Variants in OR11H4 observed in about 807,000 individuals in gnomAD.
OR11H4 encodes olfactory receptor 11H4.
For synonymous variants in OR11H4, 162 were observed against 142.3 expected, an observed-to-expected ratio of 1.14 and a Z score of -0.98; for missense variants, 460 against 371.1, an observed-to-expected ratio of 1.24 and a Z score of -1.97.
chr14:20,241,041 C>T (rs2138748730), intron 1 of OR11H4, among the ~76,000 whole-genome samples: 1 of 151,878 alleles, frequency 6.6e-6, no homozygotes, highest in Non-Finnish European at 1.5e-5. Flanking sequence ...ATGTCCTTAC[C>T]TTCCTTTCAG....
chr14:20,242,845 C>T lies in OR11H4; in HGVS notation c.24C>T (p.Ile8=), dbSNP rs199984127. The stretch of plus-strand genomic sequence containing the variant: ...CCATGAACAGGTCAGCAACACACAT[C>T]GTGACAGAGTTTATTCTCCTGGGAT... MNRSATH[I]VTEFILLGFP... Residue 8 remains isoleucine (I), a synonymous_variant, in exon 2 of 2, where the codon ATC becomes ATT. Coordinates refer to ENST00000641082, the MANE Select transcript of OR11H4 (RefSeq NM_001004479.2). 2.4e-5 allele frequency: 39 copies of T among 1,613,982 alleles called. No individual in the cohort carries two copies. The East Asian group carries it at 6.7e-4, about 28-fold the overall frequency.
chr14:20,243,273 T>A lies in OR11H4; in HGVS notation c.452T>A (p.Ile151Asn). 1 of 1,614,188 alleles carries A rather than the reference T, an allele frequency of 6.2e-7. No homozygotes were observed. Among genetic ancestry groups the A allele is most frequent in the South Asian group, 1.1e-5 (1 of 91,078 alleles). ...AAGCTGGTGTCTTTCTGTTGGCTTA[T>A]TGGATTCCTTGGATACCCAATTCCC... ...CGKLVSFCWL[I>N]GFLGYPIPIF... The change falls in exon 2 of 2, where the codon ATT becomes AAT. Residue 151 changes from isoleucine (I) to asparagine (N), a missense_variant. Coordinates refer to ENST00000641082, the MANE Select transcript of OR11H4 (RefSeq NM_001004479.2).
In OR11H4 at chr14:20,242,924, T is replaced by C. The variant is rs370665554; in HGVS notation, c.103T>C (p.Tyr35His). ...CCTCTTCTCATTGTTTTTGGTGATT[T>C]ATGTCTTGACCTTGCTGGGAAATGG... ...IFLFSLFLVI[Y>H]VLTLLGNGAI... The change falls in exon 2 of 2, where the codon TAT (tyrosine) becomes CAT (histidine). Residue 35 changes from tyrosine (Y) to histidine (H), a missense_variant. Physicochemically the swap from Tyr to His is moderately conservative, Grantham distance 83 (BLOSUM62 2). Coordinates refer to ENST00000641082, the MANE Select transcript of OR11H4 (RefSeq NM_001004479.2). 6 of 1,614,170 alleles carry C rather than the reference T, an allele frequency of 3.7e-6. No homozygotes were observed. In the African/African-American group the frequency reaches 6.7e-5, roughly 18 times the overall value.
intron 1 of OR11H4, among the ~76,000 whole-genome samples, chr14:20,242,364 C>T (rs900648066): frequency 6.6e-6 from 1 of 152,174 alleles, no homozygotes; most frequent in Non-Finnish European, 1.5e-5. Context: ...TCCTGCACAG[C>T]CCTAGATCCC....
chr14:20,239,499 C>G (rs1880868710), intron 1 of OR11H4, among the ~76,000 whole-genome samples, 168 bp downstream of exon 1: 1 of 152,152 alleles, frequency 6.6e-6, no homozygotes, highest in Middle Eastern at 3.4e-3. Flanking sequence ...TCCAGACCAT[C>G]CTGGCTAACA....
chr14:20,243,728 A>T lies in OR11H4; in HGVS notation c.907A>T (p.Asn303Tyr). 1.3e-6 allele frequency: 2 copies of T among 1,596,704 alleles called. No homozygotes were observed. The highest frequency in any genetic ancestry group is 1.7e-6 in the Non-Finnish European group (2 of 1,171,670). ...TAAGGACATGAAACTCGCTCTGAGA[A>T]ATGTCCTGTTTGGAATGAGAATTCG... ...RNKDMKLALR[N>Y]VLFGMRIRQN... The change falls in exon 2 of 2, where the codon AAT becomes TAT. Residue 303 changes from asparagine (N) to tyrosine (Y), a missense_variant. Coordinates refer to ENST00000641082, the MANE Select transcript of OR11H4 (RefSeq NM_001004479.2).
intron 1 of OR11H4, among the ~76,000 whole-genome samples, chr14:20,240,419 C>A (rs187011828): frequency 4.3e-4 from 66 of 152,236 alleles, no homozygotes; most frequent in African/African-American, 1.4e-3. Context: ...AGATTCAAAT[C>A]TTCGTTCCCA....
chr14:20,239,945 G>C (rs928155178), intron 1 of OR11H4, among the ~76,000 whole-genome samples: 1 of 152,132 alleles, frequency 6.6e-6, no homozygotes, highest in Non-Finnish European at 1.5e-5. Context: ...TTTCTATTAA[G>C]CTCCCCAGCT....
rs1344660862 is a variant in OR11H4 at position 20,243,001 on chromosome 14, C to A, written c.180C>A (p.Tyr60Ter). The A allele has an allele frequency of 1.2e-6, 2 of 1,614,036 alleles. No homozygotes were observed. Among genetic ancestry groups the A allele is most frequent in the African/African-American group, 1.3e-5 (1 of 74,898 alleles). Residue 60 changes from tyrosine to a stop codon, truncating the protein, a stop_gained, in exon 2 of 2, where the codon TAC becomes TAA. Transcript: ENST00000641082. LOFTEE classifies it low-confidence loss of function (END_TRUNC). ...ACCCACTACTACACACCCCCATGTA[C>A]TTTCTGCTGGGAAATTTTGCCTTCC... ...RCNPLLHTPM[Y>*]FLLGNFAFLE...
chr14:20,240,609 G>T (rs565385346), intron 1 of OR11H4, among the ~76,000 whole-genome samples: 8 of 144,178 alleles, frequency 5.5e-5, no homozygotes, highest in Non-Finnish European at 1.0e-4. Flanking sequence ...GTGGAGTCTC[G>T]CTCTGTCACC....
At chr14:20,240,409 A>C (rs1880889104) in intron 1 of OR11H4, among the ~76,000 whole-genome samples, 1 of 152,132 alleles carries the variant, frequency 6.6e-6, no homozygotes, top group African/African-American at 2.4e-5. Context: ...AGTGATGTTG[A>C]GATTCAAATC....
Position 20,243,902 on chromosome 14 carries a change from T to C in OR11H4, c.*136T>C. 1 of 839,366 alleles carries C rather than the reference T, an allele frequency of 1.2e-6. No homozygotes were observed. Among genetic ancestry groups the C allele is most frequent in the Non-Finnish European group, 1.8e-6 (1 of 568,226 alleles). 52.0% of individuals were successfully genotyped at this position (839,366 alleles called of 1,614,324 possible). On this transcript the variant is annotated 3_prime_UTR_variant, in exon 2 of 2. Transcript: ENST00000641082. ...TACCTGGAAGTGTGCCCAGCTTAAA[T>C]ATGTTTCCAGCACTGACTCTTTAAA...
intron 1 of OR11H4, among the ~76,000 whole-genome samples, chr14:20,240,072 T>A (rs1880881689): frequency 6.6e-6 from 1 of 152,144 alleles, no homozygotes; most frequent in Admixed American, 6.6e-5. Flanking sequence ...AGTGTAAAGT[T>A]GTCAGTGTAT....
At chr14:20,239,930 G>T (rs537461827) in intron 1 of OR11H4, among the ~76,000 whole-genome samples, 1 of 152,146 alleles carries the variant, frequency 6.6e-6, no homozygotes, top group African/African-American at 2.4e-5. Context: ...TTGATTACTC[G>T]GGTCTTTCTA....
chr14:20,241,332 T>G (rs1441491609), intron 1 of OR11H4, among the ~76,000 whole-genome samples: 1 of 151,924 alleles, frequency 6.6e-6, no homozygotes, highest in Non-Finnish European at 1.5e-5. Flanking sequence ...CATGCAGCAG[T>G]CAATCTATTT....
In OR11H4 at chr14:20,243,242, T is replaced by C. The variant is rs1409245804; in HGVS notation, c.421T>C (p.Cys141Arg). The C allele has an allele frequency of 1.2e-6, 2 of 1,614,208 alleles. No individual in the cohort carries two copies. The highest frequency in any genetic ancestry group is 2.2e-5 in the East Asian group (1 of 44,886). Residue 141 changes from cysteine (C) to arginine (R), a missense_variant, in exon 2 of 2, where the codon TGT becomes CGT. Transcript: ENST00000641082. ...QYPAIMTVRF[C>R]GKLVSFCWLI... ...CCCTGCCATCATGACTGTAAGGTTCTGTGGTAAGCTGGTGTCTTTCTGTTG... is the reference window on the plus strand; with the variant it reads ...CCCTGCCATCATGACTGTAAGGTTCCGTGGTAAGCTGGTGTCTTTCTGTTG...
chr14:20,239,513 C>A (rs568560922), intron 1 of OR11H4, among the ~76,000 whole-genome samples, 182 bp downstream of exon 1: 1 of 151,780 alleles, frequency 6.6e-6, no homozygotes, highest in Non-Finnish European at 1.5e-5. Flanking sequence ...GCTAACACGG[C>A]GAAACCCCGT....
At chr14:20,241,675 C>A (rs1296554762) in intron 1 of OR11H4, among the ~76,000 whole-genome samples, 1 of 152,088 alleles carries the variant, frequency 6.6e-6, no homozygotes, top group Non-Finnish European at 1.5e-5. Context: ...GCCCAGGGGA[C>A]CGGTACTCAG....
chr14:20,241,916 T>G (rs1269337564), intron 1 of OR11H4, among the ~76,000 whole-genome samples: 1 of 152,072 alleles, frequency 6.6e-6, no homozygotes, highest in East Asian at 1.9e-4. Context: ...CACCCAAGTA[T>G]CTCAGTGAAG....
Sources: gnomAD v4.1 joint callset for allele counts (sites outside exome capture counted in the v4.1 genomes callset) on GRCh38, gnomAD v4.1.1 for gene constraint, MANE v1.5 for transcripts, NCBI Gene and HGNC (gene_info 2026-07-23, HGNC 2026-07-21) for gene names.